The following SFT2D1 variants were observed in gnomAD, a reference collection of about 807,000 sequenced individuals.
SFT2D1 encodes vesicle transport protein SFT2A.
Under a neutral mutation model 28.1 loss-of-function variants are expected in SFT2D1, and 24 were observed. The observed-to-expected ratio is 0.85, with a 90% CI of 0.62 to 1.20. The LOEUF is 1.20. Among genes scored for constraint, SFT2D1 ranks in the 50% most tolerant of loss-of-function variants. The probability of loss-of-function intolerance (pLI) is 0.00; values close to 1 mark genes in which losing one functional copy is unlikely to be tolerated. For missense variants in SFT2D1, 181 were observed against 190.9 expected (o/e 0.95, Z 0.31); for synonymous variants, 82 against 73.7 (o/e 1.11, Z -0.58).
intron 1 of SFT2D1, among the ~76,000 whole-genome samples, chr6:166,342,033 G>A (rs1778791529): frequency 6.6e-6 from 1 of 152,088 alleles, no homozygotes; most frequent in Non-Finnish European, 1.5e-5. Context: ...TCGGCTCACT[G>A]CAGCTTGCAG....
chr6:166,320,293 A>C, intron 7 of SFT2D1, 37 bp from the exon 8 acceptor site: 1 of 1,578,360 alleles, frequency 6.3e-7, no homozygotes, highest in Non-Finnish European at 8.6e-7. Context: ...AGAATATAAT[A>C]TTCCTCAAAA....
chr6:166,325,622 C>T (rs1052838735), intron 5 of SFT2D1, among the ~76,000 whole-genome samples: 1 of 152,258 alleles, frequency 6.6e-6, no homozygotes, highest in African/African-American at 2.4e-5. Flanking sequence ...TGCAGACTCA[C>T]AGCGCACCCC....
At chr6:166,323,356 A>G (rs539479653) in intron 6 of SFT2D1, 1 of 152,976 alleles carries the variant, frequency 6.5e-6, no homozygotes, top group East Asian at 1.9e-4. Flanking sequence ...TGAGATATAC[A>G]GAGAATTACA....
rs749408170 is a variant in SFT2D1, at chr6:166,339,959, C to G, written c.63+2460G>C. On this transcript the variant is annotated intron_variant, in intron 1 of 7. Coordinates refer to ENST00000361731, the MANE Select transcript of SFT2D1 (RefSeq NM_145169.3). ...GATGCTACCTGGATCTCAGACTTCA[C>G]GTCCACACTGAAATGATTTTCCTCC... Among the ~76,000 whole-genome samples, 7 of 152,318 alleles carry G rather than the reference C, an allele frequency of 4.6e-5. 2 individuals carry two copies. Among genetic ancestry groups the G allele is most frequent in the Admixed American group, 6.5e-5 (1 of 15,302 alleles).
At chr6:166,329,665 T>C in intron 2 of SFT2D1, 76 bp from the exon 3 acceptor site, 1 of 1,135,766 alleles carries the variant, frequency 8.8e-7, no homozygotes, top group African/African-American at 1.6e-5. Flanking sequence ...GCTACTGCAG[T>C]AATACAATAC....
intron 7 of SFT2D1, among the ~76,000 whole-genome samples, chr6:166,320,856 T>C (rs1349120296): frequency 6.6e-6 from 1 of 152,180 alleles, no homozygotes; most frequent in Non-Finnish European, 1.5e-5. Context: ...CCAGGCAAGG[T>C]GGCTCACGCC....
chr6:166,325,433 C>G (rs1220750416), intron 5 of SFT2D1, among the ~76,000 whole-genome samples: 1 of 152,144 alleles, frequency 6.6e-6, no homozygotes, highest in Non-Finnish European at 1.5e-5. Context: ...ATCAGGAGAT[C>G]AAGAAGTAAA....
In SFT2D1 at chr6:166,328,364, G is replaced by T. The variant is rs1366338569; in HGVS notation, c.234-7C>A. The T allele has an allele frequency of 1.3e-6, 2 of 1,541,618 alleles. No individual in the cohort carries two copies. Among genetic ancestry groups the T allele is most frequent in the Non-Finnish European group, 1.8e-6 (2 of 1,138,132 alleles). On this transcript the variant is annotated splice_region_variant and splice_polypyrimidine_tract_variant and intron_variant, in intron 3 of 7. Coordinates refer to ENST00000361731, the MANE Select transcript of SFT2D1 (RefSeq NM_145169.3). ...TCCCATTAAAAAGCATGTACTATTTGAAACAAATAAAGTGACTGAGGTACA... is the reference window on the plus strand; with the variant it reads ...TCCCATTAAAAAGCATGTACTATTTTAAACAAATAAAGTGACTGAGGTACA...
intron 7 of SFT2D1, among the ~76,000 whole-genome samples, 165 bp downstream of exon 7, chr6:166,322,689 CAAA>C (rs1159615099): frequency 3.7e-5 from 2 of 54,710 alleles, no homozygotes; most frequent in Non-Finnish European, 3.8e-5. Flanking sequence ...GACTCTGTCT[CAAA>C]AAAAAAAAAA....
chr6:166,335,615 T>C (rs1778633137), intron 1 of SFT2D1: 1 of 363,712 alleles, frequency 2.7e-6, no homozygotes, highest in Non-Finnish European at 5.3e-6. Context: ...GCGATGACCT[T>C]GAACAGGAGA....
At chr6:166,330,769 C>T (rs1456462330) in intron 1 of SFT2D1, among the ~76,000 whole-genome samples, 4 of 152,222 alleles carry the variant, frequency 2.6e-5, no homozygotes, top group Non-Finnish European at 4.4e-5. Context: ...GGCTGGCCTT[C>T]CACACGCCAC....
At chr6:166,341,091 T>G (rs1468688190) in intron 1 of SFT2D1, among the ~76,000 whole-genome samples, 2 of 152,216 alleles carry the variant, frequency 1.3e-5, no homozygotes, top group African/African-American at 2.4e-5. Context: ...ACTGAACATG[T>G]GAAATGTGGT....
chr6:166,324,944 G>T (rs2114893030), intron 5 of SFT2D1, among the ~76,000 whole-genome samples: 1 of 152,216 alleles, frequency 6.6e-6, no homozygotes, highest in East Asian at 1.9e-4. Flanking sequence ...ATCCCACTGA[G>T]ATCTGTATGC....
At position 166,342,414 on chromosome 6, in the gene SFT2D1, G is replaced by C; in HGVS notation, c.63+5C>G. On this transcript the variant is annotated splice_donor_5th_base_variant and intron_variant, in intron 1 of 7. Transcript: ENST00000361731. ...CGGGACTGGACGAGGGCGCAAGTTC[G>C]CTACCTGCGCAGTCAGGCCCTGCTC... The C allele has an allele frequency of 6.4e-7, 1 of 1,553,564 alleles. No homozygotes were observed. The highest frequency in any genetic ancestry group is 1.7e-4 in the Middle Eastern group (1 of 5,970).
At chr6:166,332,424 T>A (rs7753161) in intron 1 of SFT2D1, among the ~76,000 whole-genome samples, 1 of 151,986 alleles carries the variant, frequency 6.6e-6, no homozygotes, top group East Asian at 1.9e-4. Flanking sequence ...CTGACTAATT[T>A]TTTGTATTTT....
chr6:166,336,204 C>T lies in SFT2D1; in HGVS notation c.64-5957G>A, dbSNP rs75914195. Among the ~76,000 whole-genome samples the T allele has an allele frequency of 3.0e-4, 45 of 152,186 alleles. No individual in the cohort carries two copies. The East Asian group carries it at 6.4e-3, about 22-fold the overall frequency. ...GGGTGATGCCAGGTTCTACTTGGAACTTATTTACACTCTGCTCGGGTGGAG... is the reference window on the plus strand; with the variant it reads ...GGGTGATGCCAGGTTCTACTTGGAATTTATTTACACTCTGCTCGGGTGGAG... On this transcript the variant is annotated intron_variant, in intron 1 of 7. Coordinates refer to ENST00000361731, the MANE Select transcript of SFT2D1 (RefSeq NM_145169.3).
rs900121741 is a variant in SFT2D1 at position 166,325,827 on chromosome 6, A to ATG, written c.351+303_351+304dup. The ATG allele has an allele frequency of 8.4e-5, 37 of 440,322 alleles. No homozygotes were observed. The South Asian group carries it at 8.5e-4, about 10-fold the overall frequency. 27.3% of individuals were successfully genotyped at this position (440,322 alleles called of 1,614,324 possible). A position where few individuals can be genotyped will look rare whatever the true frequency, so the allele number is the denominator to read the frequency against. Reference sequence around the variant, plus strand: ...GCTGGGTAGGTGAGCATGTGTGCACATGTGTGTTTACTGACTACCTCTATG... The same window carrying ATG: ...GCTGGGTAGGTGAGCATGTGTGCACATGTGTGTGTTTACTGACTACCTCTATG... On this transcript the variant is annotated intron_variant, in intron 5 of 7. Coordinates refer to ENST00000361731, the MANE Select transcript of SFT2D1 (RefSeq NM_145169.3).
In SFT2D1 at chr6:166,339,869, TCTC is replaced by T. The variant is rs770781010; in HGVS notation, c.63+2547_63+2549del. Among the ~76,000 whole-genome samples, 5 of 152,292 alleles carry T rather than the reference TCTC, an allele frequency of 3.3e-5. No individual in the cohort carries two copies. In the East Asian group the frequency reaches 5.8e-4, roughly 18 times the overall value. ...GACCTCATCTTGACGATCTCATCTC[TCTC>T]CTATTTCCTCCCACAAACTCTACAG... On this transcript the variant is annotated intron_variant, in intron 1 of 7. Coordinates refer to ENST00000361731, the MANE Select transcript of SFT2D1 (RefSeq NM_145169.3).
chr6:166,328,424 C>T, intron 3 of SFT2D1, 67 bp from the exon 4 acceptor site: 1 of 943,026 alleles, frequency 1.1e-6, no homozygotes, highest in South Asian at 2.2e-5. Flanking sequence ...CAAAAATAAA[C>T]TACTTTTTTA....
Sources: allele counts gnomAD v4.1 joint callset (sites outside exome capture counted in the v4.1 genomes callset), GRCh38; gene constraint gnomAD v4.1.1; transcripts MANE v1.5; gene names NCBI Gene and HGNC (gene_info 2026-07-23, HGNC 2026-07-21).